ARHGEF10L: variants seen among roughly 807,000 people sequenced by gnomAD.
ARHGEF10L encodes the protein Rho guanine nucleotide exchange factor 10 like.
A neutral mutation model predicts 141.2 loss-of-function variants in ARHGEF10L; 69 were observed. The ratio of observed to expected loss-of-function variants is 0.49; its 90% confidence interval spans 0.40 to 0.60. The LOEUF is 0.60. ARHGEF10L is among the 20% of genes least tolerant of loss of function. The pLI is 0.00. For synonymous variants in ARHGEF10L, 711 were observed against 718.5 expected (o/e 0.99, Z 0.17); for missense variants, 1,482 against 1,734.3 (o/e 0.85, Z 2.58).
At position 17,648,752 on chromosome 1, in the gene ARHGEF10L, C is replaced by G; in HGVS notation, c.2394+77C>G. On this transcript the variant is annotated intron_variant, in intron 22 of 28. Coordinates refer to ENST00000361221, the MANE Select transcript of ARHGEF10L (RefSeq NM_018125.4). ...CCTCGCCTGGGAGAACCAGAGTTTCCAGGGAGCGCCCACAGCAGGGAAGGC... is the reference window on the plus strand; with the variant it reads ...CCTCGCCTGGGAGAACCAGAGTTTCGAGGGAGCGCCCACAGCAGGGAAGGC... 7 of 1,561,088 alleles carry G rather than the reference C, an allele frequency of 4.5e-6. No homozygotes were observed. The South Asian group carries it at 8.2e-5, about 18-fold the overall frequency.
In ARHGEF10L at chr1:17,646,121, G is replaced by T. The variant is rs542602374; in HGVS notation, c.2273-2433G>T. Among the ~76,000 whole-genome samples the T allele has an allele frequency of 2.0e-5, 3 of 152,330 alleles. No individual in the cohort carries two copies. In the East Asian group the frequency reaches 5.8e-4, roughly 29 times the overall value. Reference sequence around the variant, plus strand: ...GACTCAGGCCGGAGGGTGTGAGCCCGCCGGGTGCTGGCGCCTTCACATCAT... The same window carrying T: ...GACTCAGGCCGGAGGGTGTGAGCCCTCCGGGTGCTGGCGCCTTCACATCAT... On this transcript the variant is annotated intron_variant, in intron 21 of 28. Transcript: ENST00000361221.
chr1:17,697,225 G>A lies in ARHGEF10L; in HGVS notation c.3685G>A (p.Asp1229Asn), dbSNP rs1464577278. 9 of 1,612,242 alleles carry A rather than the reference G, an allele frequency of 5.6e-6. No homozygotes were observed. Among genetic ancestry groups the A allele is most frequent in the Admixed American group, 3.3e-5 (2 of 59,982 alleles). ...GGTGCGCAGCCGGCCCTGCGCCCGC[G>A]ACGCCCACCGCAAGGAGATTTGCTC... ...IWVRSRPCAR[D>N]AHRKEICSVA... The change falls in exon 29 of 29, where the codon GAC becomes AAC. Residue 1229 changes from aspartate (D) to asparagine (N), a missense_variant. By Grantham distance (23) the Asp-to-Asn change is conservative. Transcript: ENST00000361221. This position sits in a 1 kb window ranked among gnomAD's most constrained non-coding sequence, Gnocchi z 4.8.
chr1:17,523,205 C>T, the ARHGEF10L span, among the ~76,000 whole-genome samples: 2 of 151,248 alleles, frequency 1.3e-5, no homozygotes, highest in African/African-American at 4.9e-5. Flanking sequence ...CCTGCCTCAG[C>T]CTCCCAAGTA....
At chr1:17,533,002 G>GC in the ARHGEF10L span, among the ~76,000 whole-genome samples, 1 of 152,240 alleles carries the variant, frequency 6.6e-6, no homozygotes, top group Middle Eastern at 3.4e-3. Context: ...ACTCAGGAAT[G>GC]CCCCCTTCAT....
intron 27 of ARHGEF10L, 141 bp from the exon 28 acceptor site, chr1:17,695,017 G>T: frequency 7.8e-7 from 1 of 1,277,200 alleles, no homozygotes; most frequent in Non-Finnish European, 1.1e-6. Flanking sequence ...CAAAGCCCCA[G>T]CTCTTCCCCA....
chr1:17,547,469 TCC>T (rs1475613388), intron 1 of ARHGEF10L, among the ~76,000 whole-genome samples: 6 of 152,212 alleles, frequency 3.9e-5, no homozygotes, highest in Non-Finnish European at 5.9e-5. Context: ...TTGGTATGCA[TCC>T]CAGAATCCCG....
rs536860603 is a variant in ARHGEF10L at position 17,603,367 on chromosome 1, C to T, written c.350-141C>T. On this transcript the variant is annotated intron_variant, in intron 5 of 28. Coordinates refer to ENST00000361221, the MANE Select transcript of ARHGEF10L (RefSeq NM_018125.4). This position sits in a 1 kb window ranked among gnomAD's most constrained non-coding sequence, Gnocchi z 4.8. ...GCCGGCATCCCCTGAGGGCAGCTGGCGGAGCTAAGGGCTGGGCTGGGCTAT... is the reference window on the plus strand; with the variant it reads ...GCCGGCATCCCCTGAGGGCAGCTGGTGGAGCTAAGGGCTGGGCTGGGCTAT... 19 of 572,074 alleles carry T rather than the reference C, an allele frequency of 3.3e-5. No homozygotes were observed. The highest frequency in any genetic ancestry group is 8.2e-5 in the South Asian group (3 of 36,570). 35.4% of individuals were successfully genotyped at this position (572,074 alleles called of 1,614,324 possible). A position where few individuals can be genotyped will look rare whatever the true frequency, so the allele number is the denominator to read the frequency against.
At chr1:17,664,689 A>T in intron 26 of ARHGEF10L, 94 bp downstream of exon 26, 1 of 1,385,568 alleles carries the variant, frequency 7.2e-7, no homozygotes, top group Non-Finnish European at 9.4e-7. Flanking sequence ...TTCAGCTCCC[A>T]GTGGCATTCC....
chr1:17,569,148 T>C (rs114929306), intron 1 of ARHGEF10L, among the ~76,000 whole-genome samples: 2,681 of 152,292 alleles, frequency 0.018, 36 homozygotes, highest in Non-Finnish European at 0.027. Context: ...GTCAGGTACC[T>C]GCCATTCGTG....
chr1:17,576,194 C>T (rs1396196557), intron 1 of ARHGEF10L, among the ~76,000 whole-genome samples: 1 of 150,862 alleles, frequency 6.6e-6, no homozygotes, highest in African/African-American at 2.4e-5. Context: ...TTGGGGGGCC[C>T]GGGGTGGGAC....
Position 17,607,723 on chromosome 1 carries a change from C to T in ARHGEF10L, c.434-79C>T, listed in dbSNP as rs1193005616. 7.3e-7 allele frequency: 1 copy of T among 1,374,572 alleles called. No homozygotes were observed. The highest frequency in any genetic ancestry group is 9.4e-7 in the Non-Finnish European group (1 of 1,059,004). The allele number at this position is 1,374,572 out of a possible 1,614,324, so 85.1% of individuals were successfully genotyped here. ...GACCCCCCCTCGCCCCACCTGGGTT[C>T]AGAAATTGGGTCTGAGGCTGGAAGT... On this transcript the variant is annotated intron_variant, in intron 6 of 28. Coordinates refer to ENST00000361221, the MANE Select transcript of ARHGEF10L (RefSeq NM_018125.4). This position sits in a 1 kb window ranked among gnomAD's most constrained non-coding sequence, Gnocchi z 4.5.
intron 4 of ARHGEF10L, among the ~76,000 whole-genome samples, chr1:17,600,887 C>T (rs2080584575): frequency 6.6e-6 from 1 of 151,534 alleles, no homozygotes; most frequent in African/African-American, 2.4e-5. Context: ...CCATCTCTAC[C>T]AAAAGTGCAA....
At chr1:17,565,482 C>T (rs1026591503) in intron 1 of ARHGEF10L, among the ~76,000 whole-genome samples, 2 of 152,158 alleles carry the variant, frequency 1.3e-5, no homozygotes, top group Non-Finnish European at 2.9e-5. Context: ...GGTGGACGGC[C>T]CCCCTCCAAC....
At chr1:17,572,828 C>T (rs957946064) in intron 1 of ARHGEF10L, among the ~76,000 whole-genome samples, 1 of 152,090 alleles carries the variant, frequency 6.6e-6, no homozygotes, top group African/African-American at 2.4e-5. Context: ...TGAGCCTGAC[C>T]CCTGGAGGTG....
chr1:17,547,905 G>A (rs2076972593), intron 1 of ARHGEF10L, among the ~76,000 whole-genome samples: 1 of 152,198 alleles, frequency 6.6e-6, no homozygotes, highest in Admixed American at 6.5e-5. Flanking sequence ...GGGAGAGGCT[G>A]TGTTGGGTTC....
chr1:17,546,204 C>T (rs1470422609), intron 1 of ARHGEF10L, among the ~76,000 whole-genome samples: 2 of 152,178 alleles, frequency 1.3e-5, no homozygotes, highest in Non-Finnish European at 2.9e-5. Flanking sequence ...GCTTGCTGGT[C>T]TTCCAGCCCC....
chr1:17,547,596 G>A (rs2076961276), intron 1 of ARHGEF10L, among the ~76,000 whole-genome samples: 1 of 152,126 alleles, frequency 6.6e-6, no homozygotes, highest in Non-Finnish European at 1.5e-5. Context: ...AATTTCCCTA[G>A]AAAAACAATG....
At chr1:17,542,992 C>G (rs1373961570) in intron 1 of ARHGEF10L, among the ~76,000 whole-genome samples, 1 of 152,220 alleles carries the variant, frequency 6.6e-6, no homozygotes, top group Non-Finnish European at 1.5e-5. Flanking sequence ...GAATCAGGCT[C>G]TTTAACAACT....
chr1:17,557,495 T>C (rs2077378803), intron 1 of ARHGEF10L, among the ~76,000 whole-genome samples: 1 of 152,194 alleles, frequency 6.6e-6, no homozygotes, highest in Non-Finnish European at 1.5e-5. Context: ...CACACACTGG[T>C]GTGTCCCAAA....
Sources: allele counts gnomAD v4.1 joint callset (sites outside exome capture counted in the v4.1 genomes callset), GRCh38; gene constraint gnomAD v4.1.1; non-coding constraint Gnocchi (gnomAD v3.1); transcripts MANE v1.5; gene names NCBI Gene and HGNC (gene_info 2026-07-23, HGNC 2026-07-21).